The following ZDHHC5 variants were observed in gnomAD, a reference collection of about 807,000 sequenced individuals.
ZDHHC5 encodes the protein palmitoyltransferase ZDHHC5.
ZDHHC5 carries 22 observed loss-of-function variants against 70.0 expected under a neutral mutation model. The observed-to-expected ratio is 0.31, with a 90% confidence interval of 0.22 to 0.45. The LOEUF is 0.45. Among genes scored for constraint, ZDHHC5 ranks in the 20% least tolerant of loss-of-function variants. ZDHHC5 has a pLI of 1.00. For synonymous variants in ZDHHC5, 313 were observed against 347.8 expected, an observed-to-expected ratio of 0.90 and a Z score of 1.11; for missense variants, 746 against 926.9, an observed-to-expected ratio of 0.80 and a Z score of 2.53.
chr11:57,672,341 A>G lies in ZDHHC5; in HGVS notation c.-750A>G, dbSNP rs1383779071. The stretch of plus-strand genomic sequence containing the variant: ...CTGTTTTCCTTGCCCCTTCAAAGAA[A>G]AGGATTTACAGCTCAAACTTAGAAC... On this transcript the variant is annotated 5_prime_UTR_variant, in exon 2 of 12. Coordinates refer to ENST00000287169, the MANE Select transcript of ZDHHC5 (RefSeq NM_015457.3). 3.8e-5 allele frequency: 15 copies of G among 397,282 alleles called. No homozygotes were observed. Among genetic ancestry groups the G allele is most frequent in the Non-Finnish European group, 5.3e-5 (12 of 225,740 alleles). The allele number at this position is 397,282 out of a possible 1,614,324, so 24.6% of individuals were successfully genotyped here. A position where few individuals can be genotyped will look rare whatever the true frequency, so the allele number is the denominator to read the frequency against.
chr11:57,695,194 G>A (rs892270482), intron 8 of ZDHHC5, among the ~76,000 whole-genome samples: 2 of 151,870 alleles, frequency 1.3e-5, no homozygotes, highest in South Asian at 2.1e-4. Flanking sequence ...CCCGGGAGGC[G>A]GAGGTTGCAG....
At position 57,693,821 on chromosome 11, in the gene ZDHHC5, T is replaced by G; in HGVS notation, c.791T>G (p.Ile264Ser). 6 of 1,593,590 alleles carry G rather than the reference T, an allele frequency of 3.8e-6. No homozygotes were observed. The highest frequency in any genetic ancestry group is 4.3e-6 in the Non-Finnish European group (5 of 1,170,014). Residue 264 changes from isoleucine to serine, a missense_variant, in exon 8 of 12, where the codon ATC becomes AGC. By Grantham distance (142) the Ile-to-Ser change is moderately radical (BLOSUM62 -2). Around this residue, in one of 6 missense-constraint regions of ZDHHC5, gnomAD observed 114 missense variants for 179.3 expected, o/e 0.64. Transcript: ENST00000287169. The stretch of plus-strand genomic sequence containing the variant: ...CCAAAGAAAGAGAAGACAATTGTAA[T>G]CAGACCTCCCTTCCTTCGACCAGAA... ...GRPKKEKTIV[I>S]RPPFLRPEVS...
At position 57,675,492 on chromosome 11, in the gene ZDHHC5, T is replaced by C. The variant is rs558882293; in HGVS notation, c.104+2298T>C. On this transcript the variant is annotated intron_variant, in intron 2 of 11. Coordinates refer to ENST00000287169, the MANE Select transcript of ZDHHC5 (RefSeq NM_015457.3). ...GAGCCCTCCTTATTCCATGGTCTCT[T>C]AGCTCTAGGAAAAAGGATTTTGGAG... Among the ~76,000 whole-genome samples the C allele has an allele frequency of 3.3e-5, 5 of 152,292 alleles. No homozygotes were observed. In the East Asian group the frequency reaches 9.6e-4, roughly 29 times the overall value.
chr11:57,697,040 C>CA (rs1381000852), intron 10 of ZDHHC5, among the ~76,000 whole-genome samples, 167 bp downstream of exon 10: 1 of 151,838 alleles, frequency 6.6e-6, no homozygotes, highest in East Asian at 1.9e-4. Flanking sequence ...ACTAAAAATA[C>CA]AAAAATTAGG....
In ZDHHC5 at chr11:57,693,634, G is replaced by A. The variant is rs1590869313; in HGVS notation, c.753-149G>A. The stretch of plus-strand genomic sequence containing the variant: ...TGCAGTCCTTCACAGAATCAATTCT[G>A]TTTATTGCTAAGTAAGTGATGGCCA... On this transcript the variant is annotated intron_variant, in intron 7 of 11. Transcript: ENST00000287169. 6 of 1,245,938 alleles carry A rather than the reference G, an allele frequency of 4.8e-6. No individual in the cohort carries two copies. The East Asian group carries it at 1.6e-4, about 34-fold the overall frequency. 77.2% of individuals were successfully genotyped at this position (1,245,938 alleles called of 1,614,324 possible).
chr11:57,685,373 G>A (rs1033051129), intron 3 of ZDHHC5, among the ~76,000 whole-genome samples: 14 of 152,006 alleles, frequency 9.2e-5, no homozygotes, highest in African/African-American at 2.7e-4. Flanking sequence ...ATTGCTGGCC[G>A]GGCGTGGTGG....
rs148731975 is a variant in ZDHHC5 at position 57,691,114 on chromosome 11, C to T, written c.660+677C>T. 6.3e-3 allele frequency among the ~76,000 whole-genome samples: 952 copies of T among 152,090 alleles called. 10 individuals carry two copies. Among genetic ancestry groups the T allele is most frequent in the African/African-American group, 0.022 (923 of 41,490 alleles). The stretch of plus-strand genomic sequence containing the variant: ...TGAGACAGAGTCTTGATCTGTCGCC[C>T]AGGCTGGCATCCAGTGGCGTGATCT... On this transcript the variant is annotated intron_variant, in intron 6 of 11. Transcript: ENST00000287169.
At position 57,693,773 on chromosome 11, in the gene ZDHHC5, C is replaced by A; in HGVS notation, c.753-10C>A. On this transcript the variant is annotated splice_polypyrimidine_tract_variant and intron_variant, in intron 7 of 11. Transcript: ENST00000287169. Reference sequence around the variant, plus strand: ...GCTGTGTCTCTCTCTCTCTCTCTCTCGACACTTAGGTATTTGGGGAGACCA... The same window carrying A: ...GCTGTGTCTCTCTCTCTCTCTCTCTAGACACTTAGGTATTTGGGGAGACCA... 1 of 1,547,294 alleles carries A rather than the reference C, an allele frequency of 6.5e-7. No individual in the cohort carries two copies. The highest frequency in any genetic ancestry group is 1.2e-5 in the South Asian group (1 of 82,506).
At chr11:57,695,595 T>C (rs1021654582) in intron 8 of ZDHHC5, among the ~76,000 whole-genome samples, 1 of 151,770 alleles carries the variant, frequency 6.6e-6, no homozygotes, top group African/African-American at 2.4e-5. Flanking sequence ...CAAGACCAGC[T>C]TGGGCAACAT....
In ZDHHC5 at chr11:57,699,131, C is replaced by T. The variant is rs202026108; in HGVS notation, c.1695C>T (p.Gly565=). 1.9e-6 allele frequency: 3 copies of T among 1,614,206 alleles called. No homozygotes were observed. Among genetic ancestry groups the T allele is most frequent in the East Asian group, 4.5e-5 (2 of 44,886 alleles). Reference sequence around the variant, plus strand: ...TCCCGGGCCGTGAGGAAGAACCAGGCTTGGGGGACTCAGGCATTCAGTCAA... The same window carrying T: ...TCCCGGGCCGTGAGGAAGAACCAGGTTTGGGGGACTCAGGCATTCAGTCAA... ...PPLPGREEEP[G]LGDSGIQSTP... is the part of the protein sequence containing the mutation. Residue 565 remains glycine, a synonymous_variant, in exon 11 of 12, where the codon GGC becomes GGT. Coordinates refer to ENST00000287169, the MANE Select transcript of ZDHHC5 (RefSeq NM_015457.3).
chr11:57,687,639 G>C (rs1946223708), intron 3 of ZDHHC5, among the ~76,000 whole-genome samples: 1 of 151,968 alleles, frequency 6.6e-6, no homozygotes, highest in Non-Finnish European at 1.5e-5. Context: ...AAATGGGATG[G>C]TGGGTTTCTG....
Position 57,699,313 on chromosome 11 carries a change from C to T in ZDHHC5, c.1877C>T (p.Pro626Leu), listed in dbSNP as rs1464746437. ...GGAGTAGGGTCCCCTGAACCAGGCC[C>T]AACAGCCCCATACCTGGGCCGATCG... ...GRGVGSPEPG[P>L]TAPYLGRSMS... Residue 626 changes from proline (P) to leucine (L), a missense_variant, in exon 11 of 12, where the codon CCA (proline) becomes CTA (leucine). Pro to Leu is a moderately conservative substitution (Grantham distance 98). Transcript: ENST00000287169. The T allele has an allele frequency of 1.2e-6, 2 of 1,614,148 alleles. No individual in the cohort carries two copies. Among genetic ancestry groups the T allele is most frequent in the South Asian group, 2.2e-5 (2 of 91,074 alleles).
rs778539481 is a variant in ZDHHC5 at position 57,693,902 on chromosome 11, T to C, written c.872T>C (p.Leu291Pro). The C allele has an allele frequency of 1.2e-6, 2 of 1,612,578 alleles. No homozygotes were observed. Among genetic ancestry groups the C allele is most frequent in the South Asian group, 2.2e-5 (2 of 90,722 alleles). Residue 291 changes from leucine to proline, a missense_variant, in exon 8 of 12, where the codon CTG becomes CCG. Coordinates refer to ENST00000287169, the MANE Select transcript of ZDHHC5 (RefSeq NM_015457.3). ...KIMDNGIQGE[L>P]RRTKSKGSLE... ...ATGGATAATGGCATCCAGGGAGAGC[T>C]GAGGAGAACAAAGGTGAGGAATTTA...
intron 4 of ZDHHC5, 59 bp downstream of exon 4, chr11:57,688,724 C>T: frequency 2.7e-6 from 4 of 1,490,756 alleles, no homozygotes; most frequent in Non-Finnish European, 3.6e-6. Context: ...TCATCCTAAC[C>T]ATATAATAGA....
intron 10 of ZDHHC5, among the ~76,000 whole-genome samples, chr11:57,697,187 G>A (rs1280920714): frequency 6.6e-6 from 1 of 152,012 alleles, no homozygotes; most frequent in East Asian, 1.9e-4. Context: ...AAATTGCCGG[G>A]CACAGTGGCT....
chr11:57,670,820 AT>A (rs36089922), intron 1 of ZDHHC5, among the ~76,000 whole-genome samples: 62,838 of 128,434 alleles, frequency 0.49, 15,459 homozygotes, highest in East Asian at 0.87. Context: ...GAATCTTCTG[AT>A]TTTTTTTTTT....
chr11:57,674,131 A>T (rs1031356228), intron 2 of ZDHHC5, among the ~76,000 whole-genome samples: 36 of 152,220 alleles, frequency 2.4e-4, no homozygotes, highest in African/African-American at 7.9e-4. Flanking sequence ...CCTTTATGTT[A>T]GTTTCTGCCG....
At chr11:57,676,238 A>G (rs371909047) in intron 2 of ZDHHC5, among the ~76,000 whole-genome samples, 3 of 152,222 alleles carry the variant, frequency 2.0e-5, no homozygotes, top group African/African-American at 7.2e-5. Flanking sequence ...AGAATCTTGA[A>G]CAGAACAGTT....
intron 1 of ZDHHC5, among the ~76,000 whole-genome samples, chr11:57,669,446 C>CA (rs1301185507): frequency 2.6e-5 from 4 of 152,156 alleles, no homozygotes; most frequent in Non-Finnish European, 4.4e-5. Context: ...CTCAATATGG[C>CA]ATACATATTA....
Sources: allele counts gnomAD v4.1 joint callset (sites outside exome capture counted in the v4.1 genomes callset), GRCh38; gene constraint gnomAD v4.1.1; regional missense constraint gnomAD v4.1.1; transcripts MANE v1.5; gene names NCBI Gene and HGNC (gene_info 2026-07-23, HGNC 2026-07-21).